Variants in PDS5B observed in about 807,000 individuals in gnomAD.
PDS5B encodes the protein sister chromatid cohesion protein PDS5 homolog B.
A neutral mutation model predicts 184.1 loss-of-function variants in PDS5B; 51 were observed. That is an observed-to-expected ratio of 0.28 (90% CI 0.22 to 0.35). The LOEUF (loss-of-function observed/expected upper bound fraction) is 0.35. Among genes scored for constraint, PDS5B ranks in the 10% least tolerant of loss-of-function variants. The probability of loss-of-function intolerance (pLI) is 1.00; values close to 1 mark genes in which losing one functional copy is unlikely to be tolerated. For synonymous variants in PDS5B, 566 were observed against 569.2 expected (o/e 0.99, Z 0.08); for missense variants, 1,180 against 1,723.3 (o/e 0.68, Z 5.58).
intron 1 of PDS5B, among the ~76,000 whole-genome samples, chr13:32,634,113 C>T (rs2058500954): frequency 6.6e-6 from 1 of 152,186 alleles, no homozygotes; most frequent in Admixed American, 6.5e-5. Flanking sequence ...TGCAGTCCCT[C>T]ATAGATTCCT....
At position 32,730,428 on chromosome 13, in the gene PDS5B, G is replaced by C. The variant is rs531821597; in HGVS notation, c.2124-1673G>C. Among the ~76,000 whole-genome samples the C allele has an allele frequency of 4.6e-5, 7 of 152,154 alleles. No individual in the cohort carries two copies. In the East Asian group the frequency reaches 1.2e-3, roughly 25 times the overall value. On this transcript the variant is annotated intron_variant, in intron 19 of 34. Transcript: ENST00000315596. The stretch of plus-strand genomic sequence containing the variant: ...TGCTTAGGATTGTCTTGGCTATATG[G>C]GCTCTTTTTTGGTTCCATATGAAAT...
intron 24 of PDS5B, among the ~76,000 whole-genome samples, chr13:32,746,504 C>CA (rs1491359490): frequency 2.0e-5 from 3 of 152,178 alleles, no homozygotes; most frequent in Non-Finnish European, 4.4e-5. Context: ...CAACTGAACT[C>CA]ACAGCCAACA....
At chr13:32,648,725 G>A (rs772573336) in intron 1 of PDS5B, 29 bp from the exon 2 acceptor site, 2 of 858,834 alleles carry the variant, frequency 2.3e-6, no homozygotes, top group Admixed American at 3.9e-5. Flanking sequence ...CTATTTTTTG[G>A]TTTGCATCTA....
intron 17 of PDS5B, among the ~76,000 whole-genome samples, chr13:32,706,290 A>G (rs906243278): frequency 2.2e-5 from 3 of 136,542 alleles, no homozygotes; most frequent in African/African-American, 8.7e-5. Flanking sequence ...AAATAAATAA[A>G]TAAATAAATA....
intron 1 of PDS5B, among the ~76,000 whole-genome samples, chr13:32,639,107 TGA>T (rs1476407025): frequency 1.7e-5 from 2 of 117,266 alleles, no homozygotes; most frequent in Non-Finnish European, 3.2e-5. Flanking sequence ...ACTCAATAAA[TGA>T]GAGATATTAT....
intron 24 of PDS5B, among the ~76,000 whole-genome samples, chr13:32,750,888 T>TGTGTGTG (rs1566408847): frequency 1.8e-4 from 27 of 149,064 alleles, no homozygotes; most frequent in Non-Finnish European, 2.7e-4. Flanking sequence ...TGTGTGTGTG[T>TGTGTGTG]TTTAAACTTT....
chr13:32,721,248 G>A (rs1566371855), intron 19 of PDS5B, among the ~76,000 whole-genome samples: 2 of 151,466 alleles, frequency 1.3e-5, no homozygotes, highest in Admixed American at 6.6e-5. Context: ...CCTCCCAGAC[G>A]GGGTGGCTGC....
intron 3 of PDS5B, among the ~76,000 whole-genome samples, chr13:32,654,410 G>A (rs560522487): frequency 1.3e-5 from 2 of 152,208 alleles, no homozygotes; most frequent in East Asian, 1.9e-4. Flanking sequence ...TCTTTCCATC[G>A]CTACATAGGG....
intron 1 of PDS5B, among the ~76,000 whole-genome samples, chr13:32,633,669 T>C (rs2058493779): frequency 6.6e-6 from 1 of 152,222 alleles, no homozygotes; most frequent in African/African-American, 2.4e-5. Flanking sequence ...CTTATCAAAT[T>C]AAACTTTTTG....
intron 1 of PDS5B, among the ~76,000 whole-genome samples, chr13:32,601,805 G>A (rs1038718497): frequency 2.0e-5 from 3 of 152,300 alleles, no homozygotes; most frequent in Non-Finnish European, 4.4e-5. Context: ...GCAGATTAAA[G>A]AAAAGGTATA....
At chr13:32,730,789 T>C (rs1399039973) in intron 19 of PDS5B, among the ~76,000 whole-genome samples, 1 of 152,252 alleles carries the variant, frequency 6.6e-6, no homozygotes, top group Non-Finnish European at 1.5e-5. Flanking sequence ...TTTTTGCACA[T>C]TGATTTTGTA....
Position 32,688,522 on chromosome 13 carries a change from G to A in PDS5B, c.1422G>A (p.Met474Ile). 3 of 1,609,168 alleles carry A rather than the reference G, an allele frequency of 1.9e-6. No homozygotes were observed. The highest frequency in any genetic ancestry group is 2.6e-6 in the Non-Finnish European group (3 of 1,175,788). Residue 474 changes from methionine to isoleucine, a missense_variant, in exon 13 of 35, where the codon ATG becomes ATA. Physicochemically the swap from Met to Ile is conservative, Grantham distance 10 (BLOSUM62 1). Transcript: ENST00000315596. ...ACAATTTAGAAACTACAGAACGGAT[G>A]AAATGCTTATATTACTTGTATGCCA... Reference protein sequence around the residue: ...VPHNLETTERMKCLYYLYATL... With the variant: ...VPHNLETTERIKCLYYLYATL...
chr13:32,714,702 G>A (rs1005916952), intron 19 of PDS5B, among the ~76,000 whole-genome samples: 3 of 152,132 alleles, frequency 2.0e-5, no homozygotes, highest in Non-Finnish European at 4.4e-5. Flanking sequence ...GCTCACCGGC[G>A]GTCAGAGTTT....
intron 1 of PDS5B, among the ~76,000 whole-genome samples, chr13:32,613,772 T>G (rs575602116): frequency 6.6e-6 from 1 of 152,318 alleles, no homozygotes; most frequent in South Asian, 2.1e-4. Context: ...TGCTATGTTA[T>G]TTATGCTTTT....
At chr13:32,594,758 C>T (rs1295013031) in intron 1 of PDS5B, among the ~76,000 whole-genome samples, 1 of 152,138 alleles carries the variant, frequency 6.6e-6, no homozygotes, top group Non-Finnish European at 1.5e-5. Flanking sequence ...TATTCCTACA[C>T]CTTTTTTTGA....
chr13:32,764,565 G>C lies in PDS5B; in HGVS notation c.3595G>C (p.Asp1199His). ...TTCACCTTTGCCGGGGAAAAAAAGT[G>C]ACAAGAGAGACGACTCTGATCTTGT... ...MSSPLPGKKS[D>H]KRDDSDLVRS... Residue 1199 changes from aspartate to histidine, a missense_variant, in exon 31 of 35, where the codon GAC (aspartate) becomes CAC (histidine). Asp to His is a moderately conservative substitution (Grantham distance 81). Coordinates refer to ENST00000315596, the MANE Select transcript of PDS5B (RefSeq NM_015032.4). 1 of 1,599,876 alleles carries C rather than the reference G, an allele frequency of 6.3e-7. No homozygotes were observed.
At chr13:32,630,792 T>A (rs2058442279) in intron 1 of PDS5B, among the ~76,000 whole-genome samples, 1 of 151,448 alleles carries the variant, frequency 6.6e-6, no homozygotes, top group African/African-American at 2.4e-5. Flanking sequence ...TTCCTTACTT[T>A]TTTTTTTTTT....
intron 6 of PDS5B, 46 bp from the exon 7 acceptor site, chr13:32,667,718 T>A (rs779984796): frequency 8.4e-6 from 10 of 1,185,260 alleles, no homozygotes; most frequent in Non-Finnish European, 9.6e-6. Context: ...TATTTTGCTT[T>A]TCATAGTTAG....
Position 32,687,217 on chromosome 13 carries a change from T to C in PDS5B, c.1287T>C (p.Ala429=). The stretch of plus-strand genomic sequence containing the variant: ...TACAGTCAGCAGCTGGAAAAGATGC[T>C]GCAAAACAGATAGCATGGATCAAAG... ...YALQSAAGKD[A]AKQIAWIKDK... The change falls in exon 12 of 35, where the codon GCT becomes GCC. Residue 429 remains alanine, a synonymous_variant. Transcript: ENST00000315596. The C allele has an allele frequency of 6.2e-7, 1 of 1,608,926 alleles. No homozygotes were observed. The highest frequency in any genetic ancestry group is 8.5e-7 in the Non-Finnish European group (1 of 1,177,894).
Sources: allele counts gnomAD v4.1 joint callset (sites outside exome capture counted in the v4.1 genomes callset), GRCh38; gene constraint gnomAD v4.1.1; transcripts MANE v1.5; gene names NCBI Gene and HGNC (gene_info 2026-07-23, HGNC 2026-07-21).